The following WNT16 variants were observed in gnomAD, a reference collection of about 807,000 sequenced individuals.
WNT16 encodes the protein Wnt family member 16.
WNT16 carries 20 observed loss-of-function variants against 35.4 expected under a neutral mutation model. The observed-to-expected ratio is 0.56, with a 90% CI of 0.40 to 0.82. WNT16 has a LOEUF of 0.82. Ranked by LOEUF, WNT16 falls within the 40% of genes least tolerant of loss-of-function variation. WNT16 has a pLI of 0.00. For missense variants in WNT16, 461 were observed against 466.0 expected, an observed-to-expected ratio of 0.99 and a Z score of 0.10; for synonymous variants, 180 against 179.2, an observed-to-expected ratio of 1.00 and a Z score of -0.03.
Position 121,339,573 on chromosome 7 carries a change from ACCT to A in WNT16, c.*229_*231del. 2.0e-6 allele frequency: 1 copy of A among 509,656 alleles called. No individual in the cohort carries two copies. The highest frequency in any genetic ancestry group is 3.5e-6 in the Non-Finnish European group (1 of 288,756). The allele number at this position is 509,656 out of a possible 1,614,324, so 31.6% of individuals were successfully genotyped here. ...TCTAATGTTGAAAAGGTTTATATTC[ACCT>A]TTTGATGATTTGGGGAATATATATT... On this transcript the variant is annotated 3_prime_UTR_variant, in exon 4 of 4. Coordinates refer to ENST00000222462, the MANE Select transcript of WNT16 (RefSeq NM_057168.2).
At chr7:121,332,062 A>G in intron 3 of WNT16, 98 bp downstream of exon 3, 3 of 1,402,314 alleles carry the variant, frequency 2.1e-6, no homozygotes, top group East Asian at 2.4e-5. Flanking sequence ...CTTAAAAACC[A>G]AACACTGGCA....
rs908966475 is a variant in WNT16 at position 121,329,301 on chromosome 7, G to A, written c.9G>A (p.Arg3=). The change falls in exon 1 of 4, where the codon AGG becomes AGA. Residue 3 remains arginine, a synonymous_variant. Coordinates refer to ENST00000222462, the MANE Select transcript of WNT16 (RefSeq NM_057168.2). MD[R]AALLGLARLC... ...GACTCCATGCGGGGGCGATGGACAG[G>A]GCGGCGCTCCTGGGACTGGCCCGCT... 9.5e-6 allele frequency: 15 copies of A among 1,576,048 alleles called. No individual in the cohort carries two copies. The Admixed American group carries it at 1.3e-4, about 14-fold the overall frequency.
At chr7:121,325,709 T>G (rs1224618456), upstream of WNT16, among the ~76,000 whole-genome samples, 1 of 151,792 alleles carries the variant, frequency 6.6e-6, no homozygotes, top group African/African-American at 2.4e-5. Flanking sequence ...TATATATATG[T>G]TTTGAATTAG....
In WNT16 at chr7:121,339,740, T is replaced by C. The variant is rs1035914341; in HGVS notation, c.*395T>C. 25 of 355,962 alleles carry C rather than the reference T, an allele frequency of 7.0e-5. No homozygotes were observed. Among genetic ancestry groups the C allele is most frequent in the African/African-American group, 4.8e-4 (23 of 47,940 alleles). 22.1% of individuals were successfully genotyped at this position (355,962 alleles called of 1,614,324 possible). A position where few individuals can be genotyped will look rare whatever the true frequency, so the allele number is the denominator to read the frequency against. On this transcript the variant is annotated 3_prime_UTR_variant, in exon 4 of 4. Coordinates refer to ENST00000222462, the MANE Select transcript of WNT16 (RefSeq NM_057168.2). ...GGACTCAATAATGGTGGGTGAACAT[T>C]AGTCATTTTTAAAAGACACCTCTTA...
At chr7:121,328,988 C>G (rs1300524541), upstream of WNT16, 8 of 1,111,370 alleles carry the variant, frequency 7.2e-6, no homozygotes, top group African/African-American at 1.1e-4. Flanking sequence ...GCGATGGAGA[C>G]GCGGATACAT....
In WNT16 at chr7:121,329,588, C is replaced by T. The variant is rs1249633047; in HGVS notation, c.117C>T (p.Phe39=). 1 of 1,614,192 alleles carries T rather than the reference C, an allele frequency of 6.2e-7. No homozygotes were observed. The highest frequency in any genetic ancestry group is 2.2e-5 in the East Asian group (1 of 44,876). ...ACAGGTGGTTGGGCATTGCCTCCTT[C>T]GGGGTTCCAGAGAAGCTGGGCTGCG... ...GNWMWLGIAS[F]GVPEKLGCAN... Residue 39 remains phenylalanine, a synonymous_variant, in exon 2 of 4, where the codon TTC becomes TTT. Transcript: ENST00000222462.
At chr7:121,330,122 A>AC (rs1018485176) in intron 2 of WNT16, among the ~76,000 whole-genome samples, 9 of 152,022 alleles carry the variant, frequency 5.9e-5, no homozygotes, top group Admixed American at 5.2e-4. Context: ...ACCCCCTCGG[A>AC]CCCCGTAGCG....
Position 121,339,577 on chromosome 7 carries a change from T to TAAATG in WNT16, c.*232_*233insAAATG. On this transcript the variant is annotated 3_prime_UTR_variant, in exon 4 of 4. Coordinates refer to ENST00000222462, the MANE Select transcript of WNT16 (RefSeq NM_057168.2). ...ATGTTGAAAAGGTTTATATTCACCT[T>TAAATG]TTGATGATTTGGGGAATATATATTG... 1 of 509,090 alleles carries TAAATG rather than the reference T, an allele frequency of 2.0e-6. No individual in the cohort carries two copies. Among genetic ancestry groups the TAAATG allele is most frequent in the Non-Finnish European group, 3.5e-6 (1 of 288,444 alleles). The allele number at this position is 509,090 out of a possible 1,614,324, so 31.5% of individuals were successfully genotyped here. A position where few individuals can be genotyped will look rare whatever the true frequency, so the allele number is the denominator to read the frequency against.
intron 3 of WNT16, among the ~76,000 whole-genome samples, chr7:121,333,318 C>A (rs1793384471): frequency 6.6e-6 from 1 of 151,776 alleles, no homozygotes; most frequent in South Asian, 2.1e-4. Context: ...ATTTAAAATA[C>A]AAAAACAGAA....
chr7:121,329,032 C>T lies in WNT16; in HGVS notation c.-261C>T. ...GTTTCTCACCTAGGAATGCGAGGGG[C>T]GCTCCCGCATCTCCTGCACATCTCC... On this transcript the variant is annotated 5_prime_UTR_variant, in exon 1 of 4. Transcript: ENST00000222462. The T allele has an allele frequency of 8.2e-7, 1 of 1,224,120 alleles. No homozygotes were observed. Among genetic ancestry groups the T allele is most frequent in the Non-Finnish European group, 1.0e-6 (1 of 981,302 alleles). 75.8% of individuals were successfully genotyped at this position (1,224,120 alleles called of 1,614,324 possible).
upstream of WNT16, among the ~76,000 whole-genome samples, chr7:121,328,411 C>G (rs919814136): frequency 6.6e-6 from 1 of 152,150 alleles, no homozygotes; most frequent in Non-Finnish European, 1.5e-5. Flanking sequence ...TGAAATATGG[C>G]AGATGAGATG....
In WNT16 at chr7:121,329,224, G is replaced by T; in HGVS notation, c.-69G>T. The T allele has an allele frequency of 2.0e-6, 3 of 1,464,544 alleles. No individual in the cohort carries two copies. The highest frequency in any genetic ancestry group is 2.4e-4 in the Middle Eastern group (1 of 4,096). 90.7% of individuals were successfully genotyped at this position (1,464,544 alleles called of 1,614,324 possible). ...CTTGGTGCTGGACAACTGACCTGCGGCCCGAAGGGCCTCTGGGGAGGGGGT... is the reference window on the plus strand; with the variant it reads ...CTTGGTGCTGGACAACTGACCTGCGTCCCGAAGGGCCTCTGGGGAGGGGGT... On this transcript the variant is annotated 5_prime_UTR_variant, in exon 1 of 4. Coordinates refer to ENST00000222462, the MANE Select transcript of WNT16 (RefSeq NM_057168.2).
rs377091676 is a variant in WNT16, at chr7:121,329,362, C to G, written c.70C>G (p.Pro24Ala). 6.8e-6 allele frequency: 11 copies of G among 1,609,880 alleles called. No individual in the cohort carries two copies. Among genetic ancestry groups the G allele is most frequent in the Non-Finnish European group, 9.3e-6 (11 of 1,178,084 alleles). The change falls in exon 1 of 4, where the codon CCC becomes GCC. Residue 24 changes from proline to alanine, a missense_variant. Physicochemically the swap from Pro to Ala is conservative, Grantham distance 27. Coordinates refer to ENST00000222462, the MANE Select transcript of WNT16 (RefSeq NM_057168.2). ...GTGGGCAGCCCTGCTCGTGCTGTTCCCCTACGGAGCCCAAGGAAACTGGAT... is the reference window on the plus strand; with the variant it reads ...GTGGGCAGCCCTGCTCGTGCTGTTCGCCTACGGAGCCCAAGGAAACTGGAT... ...ALWAALLVLF[P>A]YGAQGNWMWL... is the part of the protein sequence containing the mutation.
chr7:121,341,048 C>A lies in WNT16; in HGVS notation c.*1703C>A, dbSNP rs966279367. ...GAAACAATTTTTGAAAAAGAGCAAA[C>A]CCATGGAAAATGTCTCAGATCTAAT... On this transcript the variant is annotated 3_prime_UTR_variant, in exon 4 of 4. Transcript: ENST00000222462. 2 of 152,038 alleles carry A rather than the reference C, an allele frequency of 1.3e-5. No individual in the cohort carries two copies. The highest frequency in any genetic ancestry group is 6.6e-5 in the Admixed American group (1 of 15,256). 9.4% of individuals were successfully genotyped at this position (152,038 alleles called of 1,614,324 possible).
In WNT16 at chr7:121,329,564, C is replaced by A. The variant is rs775645002; in HGVS notation, c.96-3C>A. On this transcript the variant is annotated splice_polypyrimidine_tract_variant and splice_region_variant and intron_variant, in intron 1 of 3. Coordinates refer to ENST00000222462, the MANE Select transcript of WNT16 (RefSeq NM_057168.2). Reference sequence around the variant, plus strand: ...TAACGCTACGGGCGGCCGTGTCTTACAGGTGGTTGGGCATTGCCTCCTTCG... The same window carrying A: ...TAACGCTACGGGCGGCCGTGTCTTAAAGGTGGTTGGGCATTGCCTCCTTCG... 6.2e-7 allele frequency: 1 copy of A among 1,614,026 alleles called. No homozygotes were observed. Among genetic ancestry groups the A allele is most frequent in the Non-Finnish European group, 8.5e-7 (1 of 1,179,852 alleles).
rs149142417 is a variant in WNT16, at chr7:121,333,123, C to A, written c.633+1159C>A. On this transcript the variant is annotated intron_variant, in intron 3 of 3. Coordinates refer to ENST00000222462, the MANE Select transcript of WNT16 (RefSeq NM_057168.2). The stretch of plus-strand genomic sequence containing the variant: ...ATATATTCTTGTAAATATTCAATAA[C>A]TTATAAAGGTCCCAAAGTAATCATT... Among the ~76,000 whole-genome samples the A allele has an allele frequency of 1.7e-3, 255 of 152,098 alleles. 1 individual carries two copies. Among genetic ancestry groups the A allele is most frequent in the African/African-American group, 5.9e-3 (245 of 41,550 alleles).
Position 121,329,756 on chromosome 7 carries a change from C to T in WNT16, c.285C>T (p.Thr95=). The part of the protein sequence containing the change: ...FRHERWNCMI[T]AAATTAPMGA... ...ACGAGAGATGGAACTGCATGATCACCGCCGCCGCCACTACCGCCCCGATGG... is the reference window on the plus strand; with the variant it reads ...ACGAGAGATGGAACTGCATGATCACTGCCGCCGCCACTACCGCCCCGATGG... The change falls in exon 2 of 4, where the codon ACC becomes ACT. Residue 95 remains threonine, a synonymous_variant. Coordinates refer to ENST00000222462, the MANE Select transcript of WNT16 (RefSeq NM_057168.2). The T allele has an allele frequency of 6.2e-7, 1 of 1,608,106 alleles. No individual in the cohort carries two copies. The highest frequency in any genetic ancestry group is 8.5e-7 in the Non-Finnish European group (1 of 1,179,658).
chr7:121,330,714 GAAAAA>G (rs11371537), intron 2 of WNT16, among the ~76,000 whole-genome samples: 40 of 88,184 alleles, frequency 4.5e-4, no homozygotes, highest in African/African-American at 1.9e-3. Flanking sequence ...CCCGTAGAGA[GAAAAA>G]AAAAAAAAAA....
upstream of WNT16, chr7:121,328,877 A>G (rs953895335): frequency 1.3e-5 from 4 of 299,802 alleles, no homozygotes; most frequent in Non-Finnish European, 1.5e-5. Flanking sequence ...CTCTCCACCA[A>G]TAAGAGCCTG....
Sources: allele counts gnomAD v4.1 joint callset (sites outside exome capture counted in the v4.1 genomes callset), GRCh38; gene constraint gnomAD v4.1.1; transcripts MANE v1.5; gene names NCBI Gene and HGNC (gene_info 2026-07-23, HGNC 2026-07-21).